Variants in STIM1 observed in about 807,000 individuals in gnomAD.
The protein encoded by STIM1 is stromal interaction molecule 1.
A neutral mutation model predicts 74.7 loss-of-function variants in STIM1; 25 were observed. The observed-to-expected ratio is 0.33, with a 90% CI of 0.24 to 0.47. STIM1 has a LOEUF of 0.47. Ranked by LOEUF, STIM1 falls within the 20% of genes least tolerant of loss-of-function variation. The probability of loss-of-function intolerance (pLI) is 1.00; values close to 1 mark genes in which losing one functional copy is unlikely to be tolerated. For synonymous variants in STIM1, 328 were observed against 348.8 expected, an observed-to-expected ratio of 0.94 and a Z score of 0.66; for missense variants, 728 against 920.8, an observed-to-expected ratio of 0.79 and a Z score of 2.71.
intron 1 of STIM1, among the ~76,000 whole-genome samples, chr11:3,964,839 C>A (rs2093324761): frequency 6.6e-6 from 1 of 151,990 alleles, no homozygotes; most frequent in African/African-American, 2.4e-5. Context: ...ATCCTCCTAC[C>A]TCAGCCTCCT....
chr11:3,983,523 C>A (rs1385641318), intron 2 of STIM1, among the ~76,000 whole-genome samples: 2 of 152,148 alleles, frequency 1.3e-5, no homozygotes, highest in East Asian at 3.8e-4. Flanking sequence ...TGTGGGACAA[C>A]CCTGGTGGCA....
chr11:3,996,073 C>CTGGGTGAAACAGG (rs2093661167), intron 2 of STIM1, among the ~76,000 whole-genome samples: 1 of 152,040 alleles, frequency 6.6e-6, no homozygotes, highest in Non-Finnish European at 1.5e-5. Flanking sequence ...TTGAGAGTAC[C>CTGGGTGAAACAGG]CTACCCTTAG....
At chr11:3,936,439 C>T (rs2092932247) in intron 1 of STIM1, among the ~76,000 whole-genome samples, 1 of 152,198 alleles carries the variant, frequency 6.6e-6, no homozygotes, top group South Asian at 2.1e-4. Context: ...ATAGCCATCT[C>T]AGTACCCCTA....
chr11:4,001,251 C>T (rs2093713481), intron 2 of STIM1, among the ~76,000 whole-genome samples: 1 of 151,506 alleles, frequency 6.6e-6, no homozygotes, highest in South Asian at 2.1e-4. Flanking sequence ...CAAAGATACT[C>T]CTCGAGAAGA....
chr11:3,949,959 C>G (rs575858527), intron 1 of STIM1, among the ~76,000 whole-genome samples: 48 of 152,304 alleles, frequency 3.2e-4, no homozygotes, highest in Non-Finnish European at 1.3e-4. Context: ...CAACCCCATT[C>G]CTCATTCCTA....
intron 1 of STIM1, among the ~76,000 whole-genome samples, chr11:3,924,812 A>G (rs1200616303): frequency 1.3e-5 from 2 of 152,090 alleles, no homozygotes; most frequent in African/African-American, 4.8e-5. Context: ...ATTTTCTATC[A>G]TTTTAAAAAA....
intron 5 of STIM1, among the ~76,000 whole-genome samples, chr11:4,065,514 C>A (rs1448375849): frequency 1.3e-5 from 2 of 149,258 alleles, no homozygotes; most frequent in African/African-American, 5.0e-5. Context: ...TGCCTTTTAT[C>A]CTTTAAACTG....
At chr11:3,914,089 C>G (rs1466133567) in intron 1 of STIM1, among the ~76,000 whole-genome samples, 1 of 152,108 alleles carries the variant, frequency 6.6e-6, no homozygotes, top group Non-Finnish European at 1.5e-5. Context: ...TTTTCATCAT[C>G]CCAAACAGAA....
intron 2 of STIM1, among the ~76,000 whole-genome samples, chr11:3,998,950 C>T (rs1171918625): frequency 6.6e-6 from 1 of 152,164 alleles, no homozygotes; most frequent in East Asian, 1.9e-4. Flanking sequence ...CTTTGATAGC[C>T]ATAGAGTCTC....
intron 8 of STIM1, 86 bp from the exon 9 acceptor site, chr11:4,082,795 TG>T: frequency 9.5e-7 from 1 of 1,055,300 alleles, no homozygotes; most frequent in Non-Finnish European, 1.5e-6. Context: ...CTAGGAGGAG[TG>T]GGCCCCAGCC....
chr11:3,900,825 C>G (rs12362320), intron 1 of STIM1, among the ~76,000 whole-genome samples: 41,752 of 152,116 alleles, frequency 0.27, 6,996 homozygotes, highest in East Asian at 0.4. Flanking sequence ...GTCTTCCCAC[C>G]TTGGCTTCCC....
Position 4,004,089 on chromosome 11 carries a change from G to A in STIM1, c.271-19784G>A, listed in dbSNP as rs565336486. On this transcript the variant is annotated intron_variant, in intron 2 of 12. Coordinates refer to ENST00000526596, the MANE Select transcript of STIM1 (RefSeq NM_001382567.1). Reference sequence around the variant, plus strand: ...CAAACCACTGCTCAATGAAATAAAAGAGGATACAAACAAATGGAAGAACAT... The same window carrying A: ...CAAACCACTGCTCAATGAAATAAAAAAGGATACAAACAAATGGAAGAACAT... Among the ~76,000 whole-genome samples the A allele has an allele frequency of 5.2e-3, 791 of 152,270 alleles. 4 individuals are homozygous for A. The highest frequency in any genetic ancestry group is 8.9e-3 in the Non-Finnish European group (607 of 68,022).
chr11:3,901,933 A>C (rs1397055338), intron 1 of STIM1, among the ~76,000 whole-genome samples: 1 of 152,024 alleles, frequency 6.6e-6, no homozygotes, highest in African/African-American at 2.4e-5. Context: ...ATGCCCAGCT[A>C]ATTTTTGTAT....
chr11:4,018,592 C>T (rs2093925306), intron 2 of STIM1, among the ~76,000 whole-genome samples: 1 of 149,024 alleles, frequency 6.7e-6, no homozygotes, highest in African/African-American at 2.5e-5. Flanking sequence ...TTGCGGTGAG[C>T]CAGGTTTGTG....
chr11:3,895,255 G>A (rs994351901), intron 1 of STIM1, among the ~76,000 whole-genome samples: 6 of 152,166 alleles, frequency 3.9e-5, no homozygotes, highest in Admixed American at 1.3e-4. Context: ...AAGCCACTTG[G>A]CAGTGTCTCA....
intron 9 of STIM1, 29 bp downstream of exon 9, chr11:4,083,011 A>C (rs913528464): frequency 8.2e-6 from 13 of 1,581,002 alleles, no homozygotes; most frequent in Non-Finnish European, 1.1e-5. Context: ...CTACTCTGGC[A>C]ATGTCCATAT....
At chr11:3,937,150 G>A (rs1051786811) in intron 1 of STIM1, among the ~76,000 whole-genome samples, 4 of 151,916 alleles carry the variant, frequency 2.6e-5, no homozygotes, top group Admixed American at 6.6e-5. Context: ...AATTAGCTGG[G>A]TGTGATGGCA....
intron 5 of STIM1, among the ~76,000 whole-genome samples, chr11:4,063,950 T>A (rs374386923): frequency 1.3e-4 from 20 of 152,328 alleles, no homozygotes; most frequent in African/African-American, 3.6e-4. Flanking sequence ...GGTGTCTGCA[T>A]CCTGTATTTT....
intron 3 of STIM1, among the ~76,000 whole-genome samples, chr11:4,035,093 T>C (rs1432516270): frequency 6.6e-6 from 1 of 152,162 alleles, no homozygotes; most frequent in Non-Finnish European, 1.5e-5. Flanking sequence ...ATCTGTATTA[T>C]TTTCTTTCAT....
Sources: gnomAD v4.1 joint callset for allele counts (sites outside exome capture counted in the v4.1 genomes callset) on GRCh38, gnomAD v4.1.1 for gene constraint, MANE v1.5 for transcripts, NCBI Gene and HGNC (gene_info 2026-07-23, HGNC 2026-07-21) for gene names.